Variants in ACTG2 observed in about 807,000 individuals in gnomAD.
The protein encoded by ACTG2 is actin, gamma-enteric smooth muscle.
ACTG2 carries 16 observed loss-of-function variants against 37.6 expected under a neutral mutation model. That is an observed-to-expected ratio of 0.43 (90% CI 0.29 to 0.65). The LOEUF (loss-of-function observed/expected upper bound fraction) is 0.65, where lower values mean the gene tolerates loss of function less well. Among genes scored for constraint, ACTG2 ranks in the 30% least tolerant of loss-of-function variants. The pLI is 0.18. For missense variants in ACTG2, 238 were observed against 490.9 expected, an observed-to-expected ratio of 0.48 and a Z score of 4.87; for synonymous variants, 181 against 179.9, an observed-to-expected ratio of 1.01 and a Z score of -0.05.
chr2:73,913,791 G>A, intron 6 of ACTG2, 145 bp downstream of exon 6: 1 of 673,986 alleles, frequency 1.5e-6, no homozygotes, highest in Admixed American at 3.0e-5. Context: ...CTGGGGCTAG[G>A]CCTCTGGATA....
chr2:73,905,538 T>A (rs1306476272), intron 3 of ACTG2, among the ~76,000 whole-genome samples: 1 of 152,024 alleles, frequency 6.6e-6, no homozygotes, highest in Non-Finnish European at 1.5e-5. Flanking sequence ...TGTGAAAAAA[T>A]TTAAACTCAT....
chr2:73,904,777 GTATATA>G (rs199782884), intron 3 of ACTG2, among the ~76,000 whole-genome samples: 168 of 42,546 alleles, frequency 3.9e-3, no homozygotes, highest in African/African-American at 7.4e-3. Flanking sequence ...GTGTGTGTGT[GTATATA>G]TATATATATA....
At chr2:73,909,241 G>A in intron 5 of ACTG2, 102 bp downstream of exon 5, 1 of 1,052,616 alleles carries the variant, frequency 9.5e-7, no homozygotes, top group African/African-American at 1.6e-5. Context: ...ATGGACAGCT[G>A]AAGTCCAGGC....
chr2:73,901,960 T>A (rs1679894182), intron 2 of ACTG2, among the ~76,000 whole-genome samples: 2 of 151,076 alleles, frequency 1.3e-5, no homozygotes, highest in South Asian at 4.2e-4. Context: ...GTGGAGAGAA[T>A]AGCAAAGATT....
intron 3 of ACTG2, among the ~76,000 whole-genome samples, chr2:73,904,767 GTGTGTGTGTGTATATATATA>G (rs377149467): frequency 0.36 from 30,751 of 86,138 alleles, 4,552 homozygotes; most frequent in Admixed American, 0.43. Context: ...GTGTGTGTGT[GTGTGTGTGTGTATATATATA>G]TATATATATA....
chr2:73,913,704 A>G, intron 6 of ACTG2, 58 bp downstream of exon 6: 6 of 1,437,064 alleles, frequency 4.2e-6, no homozygotes, highest in Non-Finnish European at 5.8e-6. Context: ...GTTTAGGACA[A>G]GAAGTTCTCA....
At chr2:73,913,446 G>T (rs1248697349) in intron 5 of ACTG2, 39 bp from the exon 6 acceptor site, 1 of 1,529,696 alleles carries the variant, frequency 6.5e-7, no homozygotes, top group Admixed American at 2.0e-5. Context: ...TGAAAGGCAA[G>T]AATGAGAATT....
At chr2:73,902,687 C>T (rs1036201708) in intron 3 of ACTG2, 199 bp downstream of exon 3, 22 of 1,551,612 alleles carry the variant, frequency 1.4e-5, no homozygotes, top group East Asian at 7.3e-5. Flanking sequence ...CAATGGCTTC[C>T]TGGCTGATTT....
intron 1 of ACTG2, among the ~76,000 whole-genome samples, chr2:73,894,713 TCC>T: frequency 1.5e-5 from 1 of 66,188 alleles, no homozygotes; most frequent in Non-Finnish European, 2.8e-5. Context: ...CTGAGCTTGG[TCC>T]TGAAGTAAGG....
chr2:73,919,399 C>A (rs1380765072), intron 8 of ACTG2, 33 bp from the exon 9 acceptor site: 1 of 1,606,814 alleles, frequency 6.2e-7, no homozygotes, highest in Non-Finnish European at 8.5e-7. Context: ...CCCTTGGGGA[C>A]TGATCATGAT....
intron 1 of ACTG2, among the ~76,000 whole-genome samples, chr2:73,899,778 C>A (rs1349918476): frequency 6.6e-6 from 1 of 152,056 alleles, no homozygotes; most frequent in African/African-American, 2.4e-5. Flanking sequence ...TATTCTGGAC[C>A]TTGTGGGCTG....
At chr2:73,915,467 C>G (rs1489186357) in intron 7 of ACTG2, among the ~76,000 whole-genome samples, 2 of 150,534 alleles carry the variant, frequency 1.3e-5, no homozygotes, top group African/African-American at 4.9e-5. Context: ...CTGCAGTGAG[C>G]CGTGATTGTG....
chr2:73,918,420 T>C lies in ACTG2; in HGVS notation c.988-1012T>C, dbSNP rs144287118. 3.1e-3 allele frequency among the ~76,000 whole-genome samples: 478 copies of C among 152,306 alleles called. 1 individual carries two copies. Among genetic ancestry groups the C allele is most frequent in the Non-Finnish European group, 5.9e-3 (401 of 68,016 alleles). On this transcript the variant is annotated intron_variant, in intron 8 of 8. Coordinates refer to ENST00000345517, the MANE Select transcript of ACTG2 (RefSeq NM_001615.4). ...TGTTCAAGGAGCATTTGTGTGACTT[T>C]TGTCTGCCTGGATAATAAAATAACT... is the stretch of plus-strand genomic sequence containing the variant.
At chr2:73,901,999 G>A (rs1679895304) in intron 2 of ACTG2, among the ~76,000 whole-genome samples, 1 of 144,494 alleles carries the variant, frequency 6.9e-6, no homozygotes, top group South Asian at 2.1e-4. Flanking sequence ...CAGGGGACTT[G>A]AGGAGGATGC....
intron 5 of ACTG2, among the ~76,000 whole-genome samples, chr2:73,911,936 T>C (rs1680148345): frequency 6.6e-6 from 1 of 152,270 alleles, no homozygotes. Flanking sequence ...ATCCATTCAT[T>C]CATCCATCAT....
rs949692461 is a variant in ACTG2 at position 73,907,793 on chromosome 2, G to T, written c.256-880G>T. Among the ~76,000 whole-genome samples the T allele has an allele frequency of 1.6e-4, 25 of 152,314 alleles. 1 individual carries two copies. Among genetic ancestry groups the T allele is most frequent in the African/African-American group, 6.0e-4 (25 of 41,566 alleles). ...TGTCACAACTGGAAAACTGCTGCTA[G>T]CATCCAGTGGGTGGAGACCAGGGAT... is the stretch of plus-strand genomic sequence containing the variant. On this transcript the variant is annotated intron_variant, in intron 3 of 8. Transcript: ENST00000345517.
chr2:73,913,561 C>T lies in ACTG2; in HGVS notation c.528C>T (p.Ile176=). The T allele has an allele frequency of 1.9e-6, 3 of 1,614,056 alleles. No homozygotes were observed. In the South Asian group the frequency reaches 3.3e-5, roughly 18 times the overall value. ...AAGGCTATGCCCTGCCCCATGCCAT[C>T]ATGCGCCTGGACTTGGCTGGCCGTG... ...IYEGYALPHA[I]MRLDLAGRDL... The change falls in exon 6 of 9, where the codon ATC becomes ATT. Residue 176 remains isoleucine (I), a synonymous_variant. Transcript: ENST00000345517.
At chr2:73,902,769 TC>T (rs1487893991) in intron 3 of ACTG2, 3 of 1,547,710 alleles carry the variant, frequency 1.9e-6, no homozygotes, top group Non-Finnish European at 2.6e-6. Flanking sequence ...TAAACACAGG[TC>T]AGCTCATGTC....
Position 73,919,605 on chromosome 2 carries a change from C to A in ACTG2, c.*30C>A, listed in dbSNP as rs533254220. On this transcript the variant is annotated 3_prime_UTR_variant, in exon 9 of 9. Coordinates refer to ENST00000345517, the MANE Select transcript of ACTG2 (RefSeq NM_001615.4). The stretch of plus-strand genomic sequence containing the variant: ...AGAACAGGTTCTCCAAGGATCCCCT[C>A]GAGACTACTCTGTTACCAGTCATGA... 1 of 1,606,734 alleles carries A rather than the reference C, an allele frequency of 6.2e-7. No homozygotes were observed. Among genetic ancestry groups the A allele is most frequent in the Non-Finnish European group, 8.5e-7 (1 of 1,176,152 alleles).
Sources: allele counts gnomAD v4.1 joint callset (sites outside exome capture counted in the v4.1 genomes callset), GRCh38; gene constraint gnomAD v4.1.1; transcripts MANE v1.5; gene names NCBI Gene and HGNC (gene_info 2026-07-23, HGNC 2026-07-21).